Variants in NTM observed in about 807,000 individuals in gnomAD.
NTM encodes the protein IgLON family member 2.
Under a neutral mutation model 42.1 loss-of-function variants are expected in NTM, and 13 were observed. That is an observed-to-expected ratio of 0.31 (90% confidence interval 0.20 to 0.49). NTM has a LOEUF of 0.49. Among genes scored for constraint, NTM ranks in the 20% least tolerant of loss-of-function variants. The pLI is 0.99. For synonymous variants in NTM, 187 were observed against 179.2 expected, an observed-to-expected ratio of 1.04 and a Z score of -0.35; for missense variants, 373 against 452.8, an observed-to-expected ratio of 0.82 and a Z score of 1.60.
chr11:131,874,657 G>C (rs1161108118), intron 1 of NTM, among the ~76,000 whole-genome samples: 1 of 152,152 alleles, frequency 6.6e-6, no homozygotes, highest in East Asian at 1.9e-4. Flanking sequence ...CTTTTGCGTA[G>C]ATCTATCTCT....
chr11:132,124,458 C>G (rs905864531), intron 2 of NTM, among the ~76,000 whole-genome samples: 1 of 152,226 alleles, frequency 6.6e-6, no homozygotes, highest in African/African-American at 2.4e-5. Flanking sequence ...AAATGCCCTT[C>G]ACGAAAGTAC....
At chr11:131,424,600 C>CTTTCTTTTTTTTTTTTTTTT (rs1947878678) in intron 1 of NTM, among the ~76,000 whole-genome samples, 2 of 56,052 alleles carry the variant, frequency 3.6e-5, no homozygotes, top group Non-Finnish European at 6.3e-5. Context: ...CTTTTCTTTT[C>CTTTCTTTTTTTTTTTTTTTT]TTTTTTTTTT....
intron 1 of NTM, among the ~76,000 whole-genome samples, chr11:131,848,158 T>A (rs982135304): frequency 6.6e-6 from 1 of 152,238 alleles, no homozygotes; most frequent in African/African-American, 2.4e-5. Flanking sequence ...AAAGTTGGTA[T>A]GAAAGAAAAG....
At chr11:131,972,778 T>C (rs905612702) in intron 2 of NTM, among the ~76,000 whole-genome samples, 4 of 152,166 alleles carry the variant, frequency 2.6e-5, no homozygotes, top group African/African-American at 9.7e-5. Flanking sequence ...AACATGTTTT[T>C]AAAGATAAAA....
intron 1 of NTM, among the ~76,000 whole-genome samples, chr11:131,753,298 G>A (rs916512547): frequency 9.9e-5 from 15 of 151,946 alleles, no homozygotes; most frequent in African/African-American, 3.4e-4. Flanking sequence ...TGGTGGGACT[G>A]TAAACTAGTT....
At chr11:131,577,033 T>C (rs886745988) in intron 1 of NTM, among the ~76,000 whole-genome samples, 1 of 152,202 alleles carries the variant, frequency 6.6e-6, no homozygotes. Context: ...ACAGGCACAT[T>C]TCAAGGACTT....
At chr11:131,570,626 T>C (rs1429323422) in intron 1 of NTM, among the ~76,000 whole-genome samples, 1 of 151,800 alleles carries the variant, frequency 6.6e-6, no homozygotes, top group East Asian at 1.9e-4. Context: ...AGATCGAGAG[T>C]ATCCTGGCCA....
intron 1 of NTM, among the ~76,000 whole-genome samples, chr11:131,401,818 A>ATATATATATATATATATATG (rs1945205472): frequency 2.3e-5 from 1 of 43,004 alleles, no homozygotes; most frequent in Non-Finnish European, 4.5e-5. Context: ...ATATATATAT[A>ATATATATATATATATATATG]TATATATATA....
intron 1 of NTM, among the ~76,000 whole-genome samples, chr11:131,646,488 T>C (rs2065788714): frequency 6.6e-6 from 1 of 152,220 alleles, no homozygotes; most frequent in Non-Finnish European, 1.5e-5. Flanking sequence ...GAACTTCTGT[T>C]TCTGCAAGTC....
At chr11:131,558,962 G>A (rs1002527227) in intron 1 of NTM, among the ~76,000 whole-genome samples, 3 of 152,108 alleles carry the variant, frequency 2.0e-5, no homozygotes, top group Admixed American at 6.5e-5. Flanking sequence ...AGCAAATTCA[G>A]CAAAACTTAA....
chr11:131,404,968 T>C (rs976768243), intron 1 of NTM, among the ~76,000 whole-genome samples: 2 of 152,144 alleles, frequency 1.3e-5, no homozygotes, highest in Admixed American at 1.3e-4. Context: ...TGCATATCTG[T>C]CTATGGAAGA....
chr11:132,023,590 CCTT>C (rs1471381773), intron 2 of NTM, among the ~76,000 whole-genome samples: 1 of 152,156 alleles, frequency 6.6e-6, no homozygotes, highest in Non-Finnish European at 1.5e-5. Flanking sequence ...TTTCCAGACT[CCTT>C]CTCACCAAGA....
intron 1 of NTM, among the ~76,000 whole-genome samples, chr11:131,603,523 G>C (rs2060664290): frequency 6.6e-6 from 1 of 152,054 alleles, no homozygotes. Context: ...AAATCAGCTT[G>C]ATTGAGATAT....
At chr11:131,834,625 C>CATATATATATATATATAGATATATAT (rs2043243855) in intron 1 of NTM, among the ~76,000 whole-genome samples, 1 of 133,986 alleles carries the variant, frequency 7.5e-6, no homozygotes. Flanking sequence ...TATACATATA[C>CATATATATATATATATAGATATATAT]ATATATATAT....
chr11:131,384,189 A>G (rs1943033114), intron 1 of NTM, among the ~76,000 whole-genome samples: 1 of 152,138 alleles, frequency 6.6e-6, no homozygotes, highest in Non-Finnish European at 1.5e-5. Context: ...TTCAACACAG[A>G]TACAACTAAT....
At chr11:131,926,171 T>C (rs534657947) in intron 2 of NTM, among the ~76,000 whole-genome samples, 1 of 152,202 alleles carries the variant, frequency 6.6e-6, no homozygotes, top group Non-Finnish European at 1.5e-5. Context: ...GAGTAGGCAT[T>C]CCTCGCTGAC....
intron 4 of NTM, among the ~76,000 whole-genome samples, chr11:132,268,629 G>GTGTA (rs1555054345): frequency 4.7e-5 from 7 of 150,188 alleles, no homozygotes; most frequent in Non-Finnish European, 7.4e-5. Flanking sequence ...GTGTGTGTGT[G>GTGTA]TGTATGTGTG....
intron 1 of NTM, among the ~76,000 whole-genome samples, chr11:131,675,535 A>G (rs1056527246): frequency 2.6e-5 from 4 of 152,300 alleles, no homozygotes; most frequent in South Asian, 2.1e-4. Flanking sequence ...TGACAGCCCA[A>G]TAAGGGAGGT....
At chr11:132,130,823 G>A (rs578045679) in intron 2 of NTM, among the ~76,000 whole-genome samples, 2 of 152,296 alleles carry the variant, frequency 1.3e-5, no homozygotes, top group East Asian at 3.9e-4. Flanking sequence ...ATTTCTCACG[G>A]TGAGAACTGC....
Sources: gnomAD v4.1 joint callset for allele counts (sites outside exome capture counted in the v4.1 genomes callset) on GRCh38, gnomAD v4.1.1 for gene constraint, MANE v1.5 for transcripts, NCBI Gene and HGNC (gene_info 2026-07-23, HGNC 2026-07-21) for gene names.